GSDMC: variants seen among roughly 807,000 people sequenced by gnomAD.
GSDMC encodes gasdermin-C.
GSDMC carries 59 observed loss-of-function variants against 58.0 expected under a neutral mutation model. The observed-to-expected ratio is 1.02, with a 90% CI of 0.82 to 1.26. GSDMC has a LOEUF of 1.26. Among genes scored for constraint, GSDMC ranks in the 50% most tolerant of loss-of-function variants. The probability of loss-of-function intolerance (pLI) is 0.00; values close to 1 mark genes in which losing one functional copy is unlikely to be tolerated. For missense variants in GSDMC, 659 were observed against 598.5 expected, an observed-to-expected ratio of 1.10 and a Z score of -1.06; for synonymous variants, 241 against 220.2, an observed-to-expected ratio of 1.09 and a Z score of -0.83.
intron 6 of GSDMC, among the ~76,000 whole-genome samples, chr8:129,753,185 C>T (rs535213434): frequency 9.8e-5 from 15 of 152,298 alleles, no homozygotes; most frequent in East Asian, 1.9e-4. Flanking sequence ...AAGGTGCTTG[C>T]GCTACCCCAC....
chr8:129,707,741 A>C, the GSDMC span, among the ~76,000 whole-genome samples: 4 of 152,358 alleles, frequency 2.6e-5, no homozygotes, highest in South Asian at 6.2e-4. Flanking sequence ...GTAAGGAAAG[A>C]CTTCAAGGAA....
chr8:129,752,154 A>G lies in GSDMC; in HGVS notation c.845-7T>C. The G allele has an allele frequency of 6.2e-7, 1 of 1,611,370 alleles. No individual in the cohort carries two copies. The highest frequency in any genetic ancestry group is 8.5e-7 in the Non-Finnish European group (1 of 1,177,762). ...TGCTGTGTCAGAAATAGCTCTGGAA[A>G]GAGAAAGAAAAGTGTTTACTCACCA... On this transcript the variant is annotated splice_region_variant and splice_polypyrimidine_tract_variant and intron_variant, in intron 7 of 13. Transcript: ENST00000276708.
intron 3 of GSDMC, among the ~76,000 whole-genome samples, chr8:129,768,901 G>T (rs1339254511): frequency 6.6e-6 from 1 of 152,116 alleles, no homozygotes; most frequent in Non-Finnish European, 1.5e-5. Context: ...GAATAATATT[G>T]AGACCACATC....
intron 6 of GSDMC, among the ~76,000 whole-genome samples, chr8:129,757,790 AGACCAGCCTGG>A (rs1216279915): frequency 6.6e-6 from 1 of 152,102 alleles, no homozygotes. Context: ...CAGGAGTTTG[AGACCAGCCTGG>A]GCAACATGGT....
chr8:129,733,975 C>A, the GSDMC span, among the ~76,000 whole-genome samples: 15 of 152,098 alleles, frequency 9.9e-5, no homozygotes, highest in Admixed American at 9.2e-4. Flanking sequence ...GTAGAGAACA[C>A]CTTAAATGAC....
chr8:129,752,849 G>A (rs1563790077), intron 6 of GSDMC, 29 bp from the exon 7 acceptor site: 1 of 1,613,756 alleles, frequency 6.2e-7, no homozygotes, highest in South Asian at 1.1e-5. Flanking sequence ...CAGAATGACT[G>A]GGTAACTTTA....
chr8:129,764,592 G>C (rs908200018), intron 4 of GSDMC, among the ~76,000 whole-genome samples: 1 of 152,164 alleles, frequency 6.6e-6, no homozygotes, highest in Non-Finnish European at 1.5e-5. Context: ...TCTTCTGCCA[G>C]AGTGGGTGAG....
chr8:129,763,391 G>A (rs1410018850), intron 4 of GSDMC, among the ~76,000 whole-genome samples: 2 of 152,104 alleles, frequency 1.3e-5, no homozygotes, highest in Non-Finnish European at 2.9e-5. Context: ...TTATGGGGTG[G>A]ATCTATGTTG....
the GSDMC span, among the ~76,000 whole-genome samples, chr8:129,742,557 T>C: frequency 6.6e-6 from 1 of 152,184 alleles, no homozygotes; most frequent in East Asian, 1.9e-4. Context: ...CTCTGTACTC[T>C]GTCCTGAAAA....
intron 1 of GSDMC, among the ~76,000 whole-genome samples, chr8:129,781,480 C>T (rs1415625089): frequency 6.6e-6 from 1 of 152,174 alleles, no homozygotes; most frequent in Non-Finnish European, 1.5e-5. Context: ...CGCGATGGCT[C>T]ACGCCTGTAA....
At chr8:129,745,217 T>C (rs2032935738), downstream of GSDMC, among the ~76,000 whole-genome samples, 1 of 152,234 alleles carries the variant, frequency 6.6e-6, no homozygotes, top group Admixed American at 6.5e-5. Flanking sequence ...ATTAGCACTG[T>C]TTATATCACA....
chr8:129,761,609 C>A, intron 5 of GSDMC, among the ~76,000 whole-genome samples: 1 of 152,128 alleles, frequency 6.6e-6, no homozygotes, highest in East Asian at 1.9e-4. Context: ...GAAACTAGAG[C>A]TCCTTTTCTT....
At chr8:129,761,192 G>A (rs2033647259) in intron 5 of GSDMC, among the ~76,000 whole-genome samples, 1 of 152,180 alleles carries the variant, frequency 6.6e-6, no homozygotes, top group Non-Finnish European at 1.5e-5. Flanking sequence ...CCTAGCTGAT[G>A]CAAGGAGTGG....
chr8:129,774,076 G>A (rs1202825126), intron 3 of GSDMC, among the ~76,000 whole-genome samples: 2 of 152,062 alleles, frequency 1.3e-5, no homozygotes, highest in East Asian at 1.9e-4. Flanking sequence ...AAACTCTTAT[G>A]GAAAGACCCA....
intron 6 of GSDMC, among the ~76,000 whole-genome samples, chr8:129,754,066 G>A (rs1017603457): frequency 1.3e-5 from 2 of 152,326 alleles, no homozygotes; most frequent in East Asian, 3.9e-4. Flanking sequence ...CCAAGGCCTG[G>A]GAAAACTCAC....
At chr8:129,738,323 A>G in the GSDMC span, among the ~76,000 whole-genome samples, 3 of 152,204 alleles carry the variant, frequency 2.0e-5, no homozygotes, top group African/African-American at 7.2e-5. Flanking sequence ...TACCCAAAGG[A>G]TTATAAATCA....
At chr8:129,764,986 G>A (rs75209263) in intron 4 of GSDMC, among the ~76,000 whole-genome samples, 1,709 of 152,190 alleles carry the variant, frequency 0.011, 28 homozygotes, top group African/African-American at 0.04. Context: ...CACATATCGG[G>A]TTTCTTCTTT....
intron 10 of GSDMC, 129 bp downstream of exon 10, chr8:129,751,413 G>T: frequency 1.4e-6 from 1 of 713,260 alleles, no homozygotes; most frequent in Non-Finnish European, 2.4e-6. Context: ...ATGTTTGTTT[G>T]TTTCATGAGC....
intron 3 of GSDMC, among the ~76,000 whole-genome samples, chr8:129,774,170 G>A (rs1238505578): frequency 2.0e-5 from 3 of 152,134 alleles, no homozygotes; most frequent in Non-Finnish European, 4.4e-5. Flanking sequence ...AGCTATAGAA[G>A]TTAAAACTTA....
Sources: gnomAD v4.1 joint callset for allele counts (sites outside exome capture counted in the v4.1 genomes callset) on GRCh38, gnomAD v4.1.1 for gene constraint, MANE v1.5 for transcripts, NCBI Gene and HGNC (gene_info 2026-07-23, HGNC 2026-07-21) for gene names.